Variants in DLG1 observed in about 807,000 individuals in gnomAD.
DLG1 encodes the protein disks large homolog 1.
In DLG1, 42 loss-of-function variants were observed where a neutral mutation model predicts 123.4. The observed-to-expected ratio is 0.34, with a 90% confidence interval of 0.27 to 0.44. The LOEUF is 0.44. Ranked by LOEUF, DLG1 falls within the 20% of genes least tolerant of loss-of-function variation. The pLI is 1.00. For missense variants in DLG1, 942 were observed against 1,082.6 expected, an observed-to-expected ratio of 0.87 and a Z score of 1.82; for synonymous variants, 317 against 356.2, an observed-to-expected ratio of 0.89 and a Z score of 1.24.
At chr3:197,111,615 A>G (rs1356612) in intron 13 of DLG1, among the ~76,000 whole-genome samples, 115,154 of 152,072 alleles carry the variant, frequency 0.76, 43,718 homozygotes, top group East Asian at 0.82. Context: ...TTTGCTAACC[A>G]TAAAAATCAT....
intron 4 of DLG1, among the ~76,000 whole-genome samples, chr3:197,237,410 A>G (rs1746542731): frequency 6.6e-6 from 1 of 152,204 alleles, no homozygotes; most frequent in African/African-American, 2.4e-5. Context: ...AGAGACACCA[A>G]TAGAAGCTCT....
chr3:197,159,388 C>T (rs1244914431), intron 5 of DLG1, among the ~76,000 whole-genome samples: 1 of 152,108 alleles, frequency 6.6e-6, no homozygotes, highest in African/African-American at 2.4e-5. Flanking sequence ...GCCTGACTCT[C>T]AAACTCATTT....
At chr3:197,206,123 G>A (rs1166228982) in intron 4 of DLG1, among the ~76,000 whole-genome samples, 1 of 152,114 alleles carries the variant, frequency 6.6e-6, no homozygotes, top group Non-Finnish European at 1.5e-5. Context: ...ATCTTTGAGG[G>A]GGGCAGAAGG....
In DLG1 at chr3:197,194,332, C is replaced by T. The variant is rs1429511970; in HGVS notation, c.483+93G>A. The T allele has an allele frequency of 3.5e-6, 3 of 846,288 alleles. No individual in the cohort carries two copies. The South Asian group carries it at 9.8e-5, about 28-fold the overall frequency. The allele number at this position is 846,288 out of a possible 1,614,324, so 52.4% of individuals were successfully genotyped here. A position where few individuals can be genotyped will look rare whatever the true frequency, so the allele number is the denominator to read the frequency against. On this transcript the variant is annotated intron_variant, in intron 5 of 24. Transcript: ENST00000667157. ...AATGGGGGGGTGGGGTAGGGCGAAC[C>T]TACATGAAAGAATACTTCTCTCCGA... is the stretch of plus-strand genomic sequence containing the variant.
rs371460055 is a variant in DLG1, at chr3:197,282,069, T to C, written c.318+610A>G. ...ACTAATGCTTCTTAGGCAGAATCTT[T>C]GTTACAAACTGCTTCATACCTCTGC... On this transcript the variant is annotated intron_variant, in intron 4 of 24. Transcript: ENST00000667157. 1.8e-4 allele frequency among the ~76,000 whole-genome samples: 27 copies of C among 152,360 alleles called. No individual in the cohort carries two copies. The East Asian group carries it at 3.5e-3, about 20-fold the overall frequency.
chr3:197,165,783 A>C (rs1318270923), intron 5 of DLG1, among the ~76,000 whole-genome samples: 1 of 152,252 alleles, frequency 6.6e-6, no homozygotes, highest in Non-Finnish European at 1.5e-5. Flanking sequence ...CTGTGCTTGG[A>C]TCAAGTGGAT....
chr3:197,229,454 TAAA>T (rs35520172), intron 4 of DLG1, among the ~76,000 whole-genome samples: 20 of 121,398 alleles, frequency 1.6e-4, no homozygotes, highest in Non-Finnish European at 1.5e-4. Context: ...GCCTGTCTCT[TAAA>T]AAAAAAAAAA....
intron 6 of DLG1, among the ~76,000 whole-genome samples, chr3:197,144,963 C>T (rs1789957157): frequency 6.6e-6 from 1 of 152,110 alleles, no homozygotes. Context: ...ACTACAGGCA[C>T]ATGCCACCAT....
At chr3:197,288,896 T>A (rs1436208531) in intron 3 of DLG1, among the ~76,000 whole-genome samples, 1 of 151,810 alleles carries the variant, frequency 6.6e-6, no homozygotes, top group Non-Finnish European at 1.5e-5. Context: ...CTGCAGTATA[T>A]CTCCCCTGCA....
At chr3:197,065,903 A>G in intron 20 of DLG1, 94 bp from the exon 21 acceptor site, 3 of 775,508 alleles carry the variant, frequency 3.9e-6, no homozygotes, top group South Asian at 2.0e-5. Context: ...CTTAACTGTT[A>G]TGACTAATTT....
intron 2 of DLG1, 98 bp from the exon 3 acceptor site, chr3:197,296,575 G>T (rs1427915349): frequency 2.1e-5 from 23 of 1,101,890 alleles, no homozygotes; most frequent in Non-Finnish European, 3.0e-5. Context: ...AAATAGTTCC[G>T]CAAATCCTTC....
chr3:197,165,576 G>A (rs1038119898), intron 5 of DLG1, among the ~76,000 whole-genome samples: 2 of 152,088 alleles, frequency 1.3e-5, no homozygotes, highest in African/African-American at 4.8e-5. Flanking sequence ...GGTTTAGCTC[G>A]GGACTCCAAT....
At chr3:197,277,107 G>A (rs1378145963) in intron 4 of DLG1, among the ~76,000 whole-genome samples, 1 of 151,848 alleles carries the variant, frequency 6.6e-6, no homozygotes, top group Non-Finnish European at 1.5e-5. Flanking sequence ...TCCCAGGCTG[G>A]TTTCGAACTT....
chr3:197,163,000 A>G, intron 5 of DLG1, among the ~76,000 whole-genome samples: 1 of 152,236 alleles, frequency 6.6e-6, no homozygotes, highest in African/African-American at 2.4e-5. Context: ...TTACAACGCA[A>G]CAACACAAAG....
chr3:197,086,476 G>C (rs1032109246), intron 15 of DLG1, among the ~76,000 whole-genome samples: 1 of 152,078 alleles, frequency 6.6e-6, no homozygotes, highest in African/African-American at 2.4e-5. Flanking sequence ...TGTAAGAAAG[G>C]ATCACAGCAA....
At chr3:197,159,117 A>T (rs1331816110) in intron 5 of DLG1, among the ~76,000 whole-genome samples, 1 of 152,194 alleles carries the variant, frequency 6.6e-6, no homozygotes, top group African/African-American at 2.4e-5. Flanking sequence ...TCACACGTAG[A>T]AACAGGTGAA....
intron 5 of DLG1, among the ~76,000 whole-genome samples, chr3:197,175,566 A>G (rs1806568804): frequency 6.6e-6 from 1 of 152,216 alleles, no homozygotes; most frequent in Non-Finnish European, 1.5e-5. Context: ...GTGATCCAAC[A>G]ATATTTAGAA....
rs891421632 is a variant in DLG1, at chr3:197,228,798, A to T, written c.319-34209T>A. ...TACCTATCAAACTACCTAAGAAACA[A>T]TATTTAAGTAATAATAATAAATAAT... On this transcript the variant is annotated intron_variant, in intron 4 of 24. Transcript: ENST00000667157. 1.3e-5 allele frequency among the ~76,000 whole-genome samples: 2 copies of T among 152,188 alleles called. 1 individual carries two copies. The highest frequency in any genetic ancestry group is 1.3e-4 in the Admixed American group (2 of 15,278).
At chr3:197,077,881 A>G (rs1259229200) in intron 17 of DLG1, among the ~76,000 whole-genome samples, 1 of 152,198 alleles carries the variant, frequency 6.6e-6, no homozygotes, top group Non-Finnish European at 1.5e-5. Context: ...AAAAATATAA[A>G]GAATAGATTT....
Sources: gnomAD v4.1 joint callset for allele counts (sites outside exome capture counted in the v4.1 genomes callset) on GRCh38, gnomAD v4.1.1 for gene constraint, MANE v1.5 for transcripts, NCBI Gene and HGNC (gene_info 2026-07-23, HGNC 2026-07-21) for gene names.